The following ERC1 variants were observed in gnomAD, a reference collection of about 807,000 sequenced individuals.
The protein encoded by ERC1 is ELKS/RAB6-interacting/CAST family member 1.
ERC1 carries 56 observed loss-of-function variants against 132.0 expected under a neutral mutation model. The observed-to-expected ratio is 0.42, with a 90% CI of 0.34 to 0.53. The LOEUF (loss-of-function observed/expected upper bound fraction) is 0.53, where lower values mean the gene tolerates loss of function less well. Among genes scored for constraint, ERC1 ranks in the 20% least tolerant of loss-of-function variants. ERC1 has a pLI of 0.03. For missense variants in ERC1, 1,202 were observed against 1,349.9 expected (o/e 0.89, Z 1.72); for synonymous variants, 478 against 476.1 (o/e 1.00, Z -0.05).
chr12:1,028,719 C>T, intron 2 of ERC1, 147 bp downstream of exon 2: 1 of 732,310 alleles, frequency 1.4e-6, no homozygotes, highest in Non-Finnish European at 2.2e-6. Context: ...TCCTCCATTT[C>T]TCAGCCCTTT....
At chr12:1,093,542 A>G (rs191434129) in intron 3 of ERC1, among the ~76,000 whole-genome samples, 5 of 152,320 alleles carry the variant, frequency 3.3e-5, no homozygotes, top group Non-Finnish European at 7.3e-5. Context: ...TCTATAGGCC[A>G]ACTAAATAAT....
chr12:994,463 C>T (rs570500487), intron 1 of ERC1, among the ~76,000 whole-genome samples: 1 of 152,232 alleles, frequency 6.6e-6, no homozygotes, highest in South Asian at 2.1e-4. Flanking sequence ...TGATGTAGGG[C>T]AAACTGCTTA....
chr12:1,105,369 A>AT (rs1468200761), intron 4 of ERC1, among the ~76,000 whole-genome samples: 1 of 151,562 alleles, frequency 6.6e-6, no homozygotes, highest in African/African-American at 2.4e-5. Context: ...TTTTATTTTT[A>AT]TTTTTTGAGA....
At chr12:1,440,498 G>C (rs373732684) in intron 17 of ERC1, among the ~76,000 whole-genome samples, 5 of 139,566 alleles carry the variant, frequency 3.6e-5, no homozygotes, top group Non-Finnish European at 7.6e-5. Context: ...GAGCCACCGC[G>C]CCCGGCCTTT....
chr12:1,204,928 T>C (rs1025860173), intron 12 of ERC1, among the ~76,000 whole-genome samples: 3 of 152,164 alleles, frequency 2.0e-5, no homozygotes, highest in African/African-American at 7.2e-5. Flanking sequence ...TTGAATTATT[T>C]ACTGAGACGA....
intron 2 of ERC1, among the ~76,000 whole-genome samples, chr12:1,032,262 G>A (rs555729268): frequency 3.5e-4 from 53 of 152,098 alleles, no homozygotes; most frequent in Non-Finnish European, 6.3e-4. Flanking sequence ...TGTTGGCCAG[G>A]CTGGTCTTGA....
intron 1 of ERC1, among the ~76,000 whole-genome samples, chr12:1,006,996 T>C (rs1307032647): frequency 2.6e-5 from 4 of 150,994 alleles, no homozygotes; most frequent in Non-Finnish European, 5.9e-5. Context: ...ATAGTGTATA[T>C]ATAGTATAGT....
In ERC1 at chr12:1,356,252, A is replaced by G. The variant is rs576040613; in HGVS notation, c.2781-15581A>G. On this transcript the variant is annotated intron_variant, in intron 15 of 18. Coordinates refer to ENST00000360905, the MANE Select transcript of ERC1 (RefSeq NM_178040.4). ...TGTGTGTGTGTGTGTGTGTGTTTAT[A>G]TATTTATATTCCGTTGAGGAAGAAG... 1.4e-4 allele frequency among the ~76,000 whole-genome samples: 19 copies of G among 138,822 alleles called. 1 individual carries two copies. Among genetic ancestry groups the G allele is most frequent in the African/African-American group, 5.2e-4 (17 of 32,688 alleles). The allele number at this position is 138,822 out of a possible 152,430, so 91.1% of individuals were successfully genotyped here.
chr12:1,000,594 C>T (rs1353946172), intron 1 of ERC1, among the ~76,000 whole-genome samples: 1 of 151,566 alleles, frequency 6.6e-6, no homozygotes, highest in Non-Finnish European at 1.5e-5. Flanking sequence ...GAAACCCCGT[C>T]TCTACTAAAA....
At chr12:1,454,413 G>T (rs2093487714) in intron 18 of ERC1, among the ~76,000 whole-genome samples, 1 of 152,158 alleles carries the variant, frequency 6.6e-6, no homozygotes. Context: ...GAGAACTCCG[G>T]TTTATAGCTG....
chr12:1,033,930 T>G (rs1968570996), intron 2 of ERC1, among the ~76,000 whole-genome samples: 1 of 152,198 alleles, frequency 6.6e-6, no homozygotes, highest in South Asian at 2.1e-4. Flanking sequence ...ATGCCCAGCT[T>G]AAATTCTGTT....
chr12:1,284,890 G>A (rs991883544), intron 14 of ERC1, among the ~76,000 whole-genome samples: 2 of 152,076 alleles, frequency 1.3e-5, no homozygotes, highest in African/African-American at 4.8e-5. Context: ...CTCCTGCCTT[G>A]GCCTCCTGGA....
chr12:1,450,314 C>G (rs73597996), intron 18 of ERC1, among the ~76,000 whole-genome samples: 2,511 of 152,290 alleles, frequency 0.016, 65 homozygotes, highest in African/African-American at 0.058. Flanking sequence ...ACCTGTTAAA[C>G]AGTAACTCCC....
intron 16 of ERC1, among the ~76,000 whole-genome samples, chr12:1,405,446 G>A (rs1157007392): frequency 6.6e-6 from 1 of 152,154 alleles, no homozygotes; most frequent in African/African-American, 2.4e-5. Context: ...GCTCACGCCT[G>A]TAATCCCAGC....
rs1023094786 is a variant in ERC1, at chr12:1,141,923, T to C, written c.1737+136T>C. ...ATTTTTGTGATTAGTAATTTGGAAC[T>C]CTTGTTGCGGTAGGTAGATTGTTAA... is the stretch of plus-strand genomic sequence containing the variant. On this transcript the variant is annotated intron_variant, in intron 8 of 18. Coordinates refer to ENST00000360905, the MANE Select transcript of ERC1 (RefSeq NM_178040.4). 4.6e-6 allele frequency: 3 copies of C among 645,894 alleles called. No homozygotes were observed. In the African/African-American group the frequency reaches 5.6e-5, roughly 12 times the overall value. 40.0% of individuals were successfully genotyped at this position (645,894 alleles called of 1,614,324 possible).
intron 2 of ERC1, among the ~76,000 whole-genome samples, chr12:1,070,888 T>C (rs1940220865): frequency 6.6e-6 from 1 of 152,210 alleles, no homozygotes; most frequent in African/African-American, 2.4e-5. Flanking sequence ...GCACAGGTAG[T>C]GTTCTGATTC....
intron 12 of ERC1, among the ~76,000 whole-genome samples, chr12:1,224,013 T>C (rs1232651511): frequency 2.0e-5 from 3 of 152,118 alleles, no homozygotes; most frequent in Non-Finnish European, 2.9e-5. Context: ...AGAAGGAAAT[T>C]CCTCATTTCA....
At chr12:1,028,693 AT>A (rs1284076474) in intron 2 of ERC1, 121 bp downstream of exon 2, 18 of 862,378 alleles carry the variant, frequency 2.1e-5, no homozygotes, top group Non-Finnish European at 1.0e-5. Flanking sequence ...TTTCCTATTG[AT>A]TTTACTGTTT....
chr12:1,271,395 A>T (rs1051597764), intron 14 of ERC1, among the ~76,000 whole-genome samples: 3 of 152,206 alleles, frequency 2.0e-5, no homozygotes, highest in East Asian at 1.9e-4. Context: ...GAAAACAAAG[A>T]TGGCCATTGG....
Sources: gnomAD v4.1 joint callset for allele counts (sites outside exome capture counted in the v4.1 genomes callset) on GRCh38, gnomAD v4.1.1 for gene constraint, MANE v1.5 for transcripts, NCBI Gene and HGNC (gene_info 2026-07-23, HGNC 2026-07-21) for gene names.